Variants in PADI1 observed in about 807,000 individuals in gnomAD.
PADI1 encodes the protein protein-arginine deiminase type-1.
Under a neutral mutation model 74.8 loss-of-function variants are expected in PADI1, and 65 were observed. The ratio of observed to expected loss-of-function variants is 0.87; its 90% CI spans 0.71 to 1.07. The LOEUF is 1.07. PADI1 is among the 50% of genes least tolerant of loss of function. The probability of loss-of-function intolerance (pLI) is 0.00; values close to 1 mark genes in which losing one functional copy is unlikely to be tolerated. For missense variants in PADI1, 943 were observed against 854.0 expected, an observed-to-expected ratio of 1.10 and a Z score of -1.30; for synonymous variants, 371 against 336.2, an observed-to-expected ratio of 1.10 and a Z score of -1.13.
intron 6 of PADI1, among the ~76,000 whole-genome samples, chr1:17,227,894 G>A (rs1361173736): frequency 1.3e-5 from 2 of 152,152 alleles, no homozygotes; most frequent in East Asian, 3.8e-4. Context: ...TTCCCTATCT[G>A]GATATTTCAT....
chr1:17,238,649 T>A lies in PADI1; in HGVS notation c.1492T>A (p.Cys498Ser). ...GCTGCTCCTGGCTAGCCCCAGCGCT[T>A]GCCTCAAACTCTTCCAAGAGAAGAA... ...FRLLLASPSACLKLFQEKKEE... is the reference protein window; with the variant it reads ...FRLLLASPSASLKLFQEKKEE... The change falls in exon 13 of 16, where the codon TGC becomes AGC. Residue 498 changes from cysteine (C) to serine (S), a missense_variant. Coordinates refer to ENST00000375471, the MANE Select transcript of PADI1 (RefSeq NM_013358.3). The A allele has an allele frequency of 6.4e-7, 1 of 1,551,986 alleles. No individual in the cohort carries two copies. Among genetic ancestry groups the A allele is most frequent in the Non-Finnish European group, 8.7e-7 (1 of 1,143,612 alleles).
At chr1:17,233,028 T>A (rs1362326929) in intron 11 of PADI1, 58 bp downstream of exon 11, 3 of 1,423,960 alleles carry the variant, frequency 2.1e-6, no homozygotes, top group African/African-American at 1.4e-5. Context: ...GCATCCACCC[T>A]CCCTGTGCCC....
chr1:17,226,890 A>G (rs926225625), intron 6 of PADI1, among the ~76,000 whole-genome samples: 1 of 152,166 alleles, frequency 6.6e-6, no homozygotes, highest in African/African-American at 2.4e-5. Flanking sequence ...TCCACTAAAA[A>G]ATACAAAAAA....
At chr1:17,243,240 C>T (rs1425948769) in intron 15 of PADI1, among the ~76,000 whole-genome samples, 1 of 152,200 alleles carries the variant, frequency 6.6e-6, no homozygotes, top group Admixed American at 6.5e-5. Flanking sequence ...ATTCCCATCC[C>T]CAGATTAGGG....
rs1035050006 is a variant in PADI1, at chr1:17,244,465, C to T, written c.*222C>T. The T allele has an allele frequency of 4.6e-6, 3 of 647,046 alleles. No individual in the cohort carries two copies. The highest frequency in any genetic ancestry group is 8.6e-6 in the Non-Finnish European group (3 of 349,736). The allele number at this position is 647,046 out of a possible 1,614,324, so 40.1% of individuals were successfully genotyped here. ...AGAATGCACCTCATTCTTCCCTGGC[C>T]TCTTTCCCACCCACAGCCCCCAGAG... On this transcript the variant is annotated 3_prime_UTR_variant, in exon 16 of 16. Coordinates refer to ENST00000375471, the MANE Select transcript of PADI1 (RefSeq NM_013358.3).
intron 1 of PADI1, among the ~76,000 whole-genome samples, chr1:17,218,957 G>C (rs1342354631): frequency 6.6e-6 from 1 of 152,178 alleles, no homozygotes; most frequent in Non-Finnish European, 1.5e-5. Flanking sequence ...TGACAAGGGG[G>C]AAGAGTGGGG....
chr1:17,235,293 G>GGAAGGAAGGAGGGAA (rs1557479110), intron 11 of PADI1, among the ~76,000 whole-genome samples: 148 of 62,652 alleles, frequency 2.4e-3, no homozygotes, highest in East Asian at 6.0e-3. Context: ...GAAGGAAGGA[G>GGAAGGAAGGAGGGAA]GGAAGGAAGG....
chr1:17,220,046 T>G (rs888825113), intron 1 of PADI1, among the ~76,000 whole-genome samples: 4 of 151,900 alleles, frequency 2.6e-5, no homozygotes, highest in African/African-American at 9.7e-5. Flanking sequence ...TGGCAACTGA[T>G]GTAAACGATG....
chr1:17,206,683 C>CTTTTTTTTTT (rs796276122), intron 1 of PADI1, among the ~76,000 whole-genome samples: 5 of 109,764 alleles, frequency 4.6e-5, no homozygotes, highest in East Asian at 2.5e-4. Flanking sequence ...TTTTCTTTTT[C>CTTTTTTTTTT]TTTTTTTTTT....
At position 17,225,844 on chromosome 1, in the gene PADI1, G is replaced by T; in HGVS notation, c.442G>T (p.Ala148Ser). The T allele has an allele frequency of 6.2e-7, 1 of 1,614,166 alleles. No individual in the cohort carries two copies. The highest frequency in any genetic ancestry group is 1.3e-5 in the African/African-American group (1 of 75,042). Reference sequence around the variant, plus strand: ...GCGCTGGGGCCCTGAGGGCTATGGGGCTATCTTGCTGGTGAACTGTGACCG... The same window carrying T: ...GCGCTGGGGCCCTGAGGGCTATGGGTCTATCTTGCTGGTGAACTGTGACCG... ...TWRWGPEGYG[A>S]ILLVNCDRDN... Residue 148 changes from alanine to serine, a missense_variant, in exon 5 of 16, where the codon GCT becomes TCT. Ala to Ser is a moderately conservative substitution (Grantham distance 99). Coordinates refer to ENST00000375471, the MANE Select transcript of PADI1 (RefSeq NM_013358.3).
chr1:17,231,742 T>G (rs2072494827), intron 10 of PADI1, among the ~76,000 whole-genome samples: 1 of 151,952 alleles, frequency 6.6e-6, no homozygotes, highest in Admixed American at 6.6e-5. Flanking sequence ...GAAACTAAGA[T>G]GTTTCAGCCT....
intron 1 of PADI1, among the ~76,000 whole-genome samples, chr1:17,214,982 G>T (rs1260815685): frequency 5.3e-5 from 8 of 152,192 alleles, no homozygotes; most frequent in Admixed American, 5.2e-4. Context: ...CTCCTGCTGG[G>T]GTACCTGCCG....
intron 2 of PADI1, chr1:17,223,403 C>T (rs138805178): frequency 1.6e-5 from 9 of 569,712 alleles, no homozygotes; most frequent in Non-Finnish European, 2.8e-5. Context: ...GCTCCTCACA[C>T]CTGCTCTGGG....
intron 1 of PADI1, among the ~76,000 whole-genome samples, chr1:17,210,402 G>C (rs1233416462): frequency 1.3e-5 from 2 of 151,904 alleles, no homozygotes; most frequent in Admixed American, 6.6e-5. Context: ...GGTGACTCAC[G>C]ACTTGGACTC....
chr1:17,235,094 G>A (rs1201428658), intron 11 of PADI1, among the ~76,000 whole-genome samples: 1 of 146,352 alleles, frequency 6.8e-6, no homozygotes, highest in Admixed American at 6.8e-5. Flanking sequence ...TCCAGCCTAG[G>A]TGACAGAGCA....
Position 17,238,716 on chromosome 1 carries a change from G to T in PADI1, c.1552+7G>T. On this transcript the variant is annotated splice_region_variant and intron_variant, in intron 13 of 15. Transcript: ENST00000375471. The stretch of plus-strand genomic sequence containing the variant: ...GAGGCAGCCCAGTTTGATGGTGAGT[G>T]CCAATGACCCGGTCACCCCTGGGGG... 1 of 1,465,656 alleles carries T rather than the reference G, an allele frequency of 6.8e-7. No individual in the cohort carries two copies. Among genetic ancestry groups the T allele is most frequent in the Non-Finnish European group, 9.2e-7 (1 of 1,086,422 alleles). The allele number at this position is 1,465,656 out of a possible 1,614,324, so 90.8% of individuals were successfully genotyped here.
At chr1:17,236,368 G>T (rs897014851) in intron 11 of PADI1, among the ~76,000 whole-genome samples, 1 of 152,212 alleles carries the variant, frequency 6.6e-6, no homozygotes, top group Non-Finnish European at 1.5e-5. Context: ...ATTAAATGAG[G>T]TAGCCTGGGT....
At chr1:17,237,568 T>C in intron 12 of PADI1, 110 bp downstream of exon 12, 1 of 1,075,854 alleles carries the variant, frequency 9.3e-7, no homozygotes, top group Middle Eastern at 2.2e-4. Flanking sequence ...CCGAGTAAGC[T>C]CTGGATTGGG....
chr1:17,213,607 G>A (rs573885011), intron 1 of PADI1, among the ~76,000 whole-genome samples: 7 of 152,334 alleles, frequency 4.6e-5, no homozygotes, highest in African/African-American at 1.7e-4. Context: ...CCTGTGACAA[G>A]TAACACCTAC....
Sources: gnomAD v4.1 joint callset for allele counts (sites outside exome capture counted in the v4.1 genomes callset) on GRCh38, gnomAD v4.1.1 for gene constraint, MANE v1.5 for transcripts, NCBI Gene and HGNC (gene_info 2026-07-23, HGNC 2026-07-21) for gene names.